Variants in CAPRIN1 observed in about 807,000 individuals in gnomAD.
CAPRIN1 encodes the protein caprin-1.
Under a neutral mutation model 100.9 loss-of-function variants are expected in CAPRIN1, and 29 were observed. The ratio of observed to expected loss-of-function variants is 0.29; its 90% CI spans 0.21 to 0.39. The LOEUF is 0.39. CAPRIN1 is among the 10% of genes least tolerant of loss of function. CAPRIN1 has a pLI of 1.00. For missense variants in CAPRIN1, 795 were observed against 876.7 expected, an observed-to-expected ratio of 0.91 and a Z score of 1.18; for synonymous variants, 338 against 307.5, an observed-to-expected ratio of 1.10 and a Z score of -1.04.
At chr11:34,061,012 A>G (rs1850565939) in intron 2 of CAPRIN1, among the ~76,000 whole-genome samples, 2 of 152,120 alleles carry the variant, frequency 1.3e-5, no homozygotes, top group South Asian at 2.1e-4. Context: ...TCTTTTTCCT[A>G]CTAGAGTCAG....
intron 12 of CAPRIN1, 90 bp from the exon 13 acceptor site, chr11:34,090,089 C>T (rs1000964948): frequency 1.1e-5 from 7 of 652,322 alleles, no homozygotes; most frequent in Admixed American, 2.9e-5. Flanking sequence ...GTATCTATTT[C>T]TTAGCCTTAT....
intron 2 of CAPRIN1, among the ~76,000 whole-genome samples, chr11:34,066,598 C>G (rs1279789666): frequency 6.6e-6 from 1 of 151,764 alleles, no homozygotes. Flanking sequence ...TCCCGAAGTG[C>G]TGGAATTACA....
intron 2 of CAPRIN1, among the ~76,000 whole-genome samples, chr11:34,068,078 G>C (rs1850734610): frequency 6.6e-6 from 1 of 152,130 alleles, no homozygotes; most frequent in African/African-American, 2.4e-5. Flanking sequence ...ATGACACTGG[G>C]GGCCTCGTGG....
chr11:34,074,161 A>T (rs1353324870), intron 4 of CAPRIN1, among the ~76,000 whole-genome samples: 1 of 152,186 alleles, frequency 6.6e-6, no homozygotes, highest in East Asian at 1.9e-4. Flanking sequence ...GATTTATTCC[A>T]CTTAGCTTAA....
chr11:34,053,155 C>T, intron 2 of CAPRIN1: 4 of 987,940 alleles, frequency 4.0e-6, no homozygotes, highest in Non-Finnish European at 4.8e-6. Context: ...CCTCTTCTTC[C>T]GTAGGAGAGA....
intron 15 of CAPRIN1, among the ~76,000 whole-genome samples, chr11:34,095,198 G>T (rs1023217319): frequency 6.6e-6 from 1 of 151,900 alleles, no homozygotes; most frequent in African/African-American, 2.4e-5. Flanking sequence ...ACCCAGCCTG[G>T]CTATGAATTT....
chr11:34,076,401 T>C lies in CAPRIN1; in HGVS notation c.532T>C (p.Leu178=), dbSNP rs997053877. 2 of 1,614,114 alleles carry C rather than the reference T, an allele frequency of 1.2e-6. No individual in the cohort carries two copies. The highest frequency in any genetic ancestry group is 2.7e-5 in the African/African-American group (2 of 74,942). ...ACAAGGTTTGAATGGAGTGCCAATA[T>C]TGTCCGAAGAGGAGTTGTCATTGTT... The part of the protein sequence containing the change: ...LKQGLNGVPI[L]SEEELSLLDE... The change falls in exon 5 of 19, where the codon TTG becomes CTG. Residue 178 remains leucine, a synonymous_variant. Transcript: ENST00000341394.
intron 15 of CAPRIN1, among the ~76,000 whole-genome samples, chr11:34,095,486 A>G (rs1402888269): frequency 6.6e-6 from 1 of 152,160 alleles, no homozygotes; most frequent in Non-Finnish European, 1.5e-5. Context: ...TTCATCGTAA[A>G]ATAGGATTCT....
intron 2 of CAPRIN1, chr11:34,053,142 TC>T (rs1355424926): frequency 5.1e-6 from 5 of 988,270 alleles, no homozygotes; most frequent in Admixed American, 6.1e-5. Context: ...CTGTCGAGCG[TC>T]CCCTCTTCTT....
Position 34,052,594 on chromosome 11 carries a change from C to G in CAPRIN1, c.174C>G (p.Leu58=). The G allele has an allele frequency of 6.2e-7, 1 of 1,611,076 alleles. No homozygotes were observed. The highest frequency in any genetic ancestry group is 8.5e-7 in the Non-Finnish European group (1 of 1,179,106). ...AVQTEAMKQI[L]GVIDKKLRNL... ...AGACCGAGGCCATGAAGCAGATTCT[C>G]GGGGTGATCGACAAGAAACTTCGGA... The change falls in exon 2 of 19, where the codon CTC becomes CTG. Residue 58 remains leucine (L), a synonymous_variant. Transcript: ENST00000341394.
At chr11:34,081,569 C>CT (rs1351195728) in intron 7 of CAPRIN1, among the ~76,000 whole-genome samples, 4 of 151,830 alleles carry the variant, frequency 2.6e-5, no homozygotes, top group African/African-American at 9.7e-5. Context: ...TCTTGGCTCA[C>CT]TGCAGTTTCC....
chr11:34,055,840 A>G (rs1432718920), intron 2 of CAPRIN1: 3 of 152,230 alleles, frequency 2.0e-5, no homozygotes, highest in Non-Finnish European at 4.4e-5. Context: ...CCACAGACTG[A>G]ACTCTACCTA....
rs543680360 is a variant in CAPRIN1, at chr11:34,068,418, C to G, written c.217-3308C>G. ...TGTTAATGGAGTAGTGCCAAGGTCA[C>G]ATTTTAGAACAGTATGTGAGACTGC... On this transcript the variant is annotated intron_variant, in intron 2 of 18. Transcript: ENST00000341394. 2.0e-5 allele frequency among the ~76,000 whole-genome samples: 3 copies of G among 152,284 alleles called. 1 individual carries two copies. Among genetic ancestry groups the G allele is most frequent in the Admixed American group, 2.0e-4 (3 of 15,292 alleles).
chr11:34,069,147 T>C (rs1053059825), intron 2 of CAPRIN1, among the ~76,000 whole-genome samples: 2 of 149,580 alleles, frequency 1.3e-5, no homozygotes, highest in African/African-American at 2.5e-5. Flanking sequence ...TCAAAACTTA[T>C]TTAGTTTTTT....
At chr11:34,053,598 A>G (rs1850383305) in intron 2 of CAPRIN1, 2 of 112,574 alleles carry the variant, frequency 1.8e-5, no homozygotes, top group African/African-American at 8.7e-5. Context: ...CCCCCCTCTA[A>G]AAAAAAAAAA....
At chr11:34,069,607 G>A (rs1590728048) in intron 2 of CAPRIN1, among the ~76,000 whole-genome samples, 1 of 151,964 alleles carries the variant, frequency 6.6e-6, no homozygotes, top group East Asian at 1.9e-4. Context: ...TGAGGTAATT[G>A]GACACATCTT....
Position 34,079,993 on chromosome 11 carries a change from G to A in CAPRIN1, c.826+228G>A, listed in dbSNP as rs554568240. Among the ~76,000 whole-genome samples the A allele has an allele frequency of 4.8e-5, 7 of 146,890 alleles. No homozygotes were observed. The South Asian group carries it at 1.5e-3, about 32-fold the overall frequency. ...GGCTGGAGTGCAGTGGCGTGATCTCGGCTCACTGCAAGCTCCGCCTCCTGG... is the reference window on the plus strand; with the variant it reads ...GGCTGGAGTGCAGTGGCGTGATCTCAGCTCACTGCAAGCTCCGCCTCCTGG... On this transcript the variant is annotated intron_variant, in intron 7 of 18. Transcript: ENST00000341394.
rs563186997 is a variant in CAPRIN1 at position 34,070,685 on chromosome 11, C to T, written c.217-1041C>T. On this transcript the variant is annotated intron_variant, in intron 2 of 18. Coordinates refer to ENST00000341394, the MANE Select transcript of CAPRIN1 (RefSeq NM_005898.5). ...TGCTGGGATTACAGGCAGGAGCCAC[C>T]GTGCCTGGCCCGAAAAAATACTCTT... Among the ~76,000 whole-genome samples the T allele has an allele frequency of 1.7e-4, 26 of 151,978 alleles. No homozygotes were observed. In the South Asian group the frequency reaches 4.8e-3, roughly 28 times the overall value.
chr11:34,053,102 C>G (rs1168748022), intron 2 of CAPRIN1: 1 of 1,007,742 alleles, frequency 9.9e-7, no homozygotes, highest in Non-Finnish European at 1.2e-6. Flanking sequence ...GCCTTGGGGT[C>G]TGTCCGCTCG....
Sources: gnomAD v4.1 joint callset for allele counts (sites outside exome capture counted in the v4.1 genomes callset) on GRCh38, gnomAD v4.1.1 for gene constraint, MANE v1.5 for transcripts, NCBI Gene and HGNC (gene_info 2026-07-23, HGNC 2026-07-21) for gene names.